IFT43: variants seen among roughly 807,000 people sequenced by gnomAD.
The protein encoded by IFT43 is intraflagellar transport protein 43 homolog.
In IFT43, 33 loss-of-function variants were observed where a neutral mutation model predicts 32.3. The ratio of observed to expected loss-of-function variants is 1.02; its 90% CI spans 0.77 to 1.37. The LOEUF is 1.37. Among genes scored for constraint, IFT43 ranks in the 40% most tolerant of loss-of-function variants. IFT43 has a pLI of 0.00. For synonymous variants in IFT43, 93 were observed against 98.2 expected (o/e 0.95, Z 0.31); for missense variants, 274 against 265.9 (o/e 1.03, Z -0.21).
intron 2 of IFT43, among the ~76,000 whole-genome samples, chr14:76,018,193 T>C (rs2036224907): frequency 6.6e-6 from 1 of 151,916 alleles, no homozygotes; most frequent in South Asian, 2.1e-4. Flanking sequence ...TTCATTGCTA[T>C]ACTTCCCTCT....
intron 3 of IFT43, among the ~76,000 whole-genome samples, chr14:76,054,142 A>G (rs775306352): frequency 6.6e-6 from 1 of 152,204 alleles, no homozygotes. Flanking sequence ...ACTAGGTCCC[A>G]TTTCTGGAAG....
chr14:75,999,408 A>G (rs1478766864), intron 2 of IFT43, among the ~76,000 whole-genome samples: 1 of 149,370 alleles, frequency 6.7e-6, no homozygotes, highest in Non-Finnish European at 1.5e-5. Flanking sequence ...GATTACAGGC[A>G]TGAGCCATCA....
At chr14:76,025,083 A>T (rs2036364599) in intron 3 of IFT43, among the ~76,000 whole-genome samples, 1 of 151,980 alleles carries the variant, frequency 6.6e-6, no homozygotes, top group Non-Finnish European at 1.5e-5. Flanking sequence ...TAGATGAAAG[A>T]TAAAAAAAAT....
chr14:76,020,364 G>T (rs79704371), intron 2 of IFT43, among the ~76,000 whole-genome samples: 2,132 of 152,054 alleles, frequency 0.014, 57 homozygotes, highest in African/African-American at 0.045. Flanking sequence ...TTCATGGATT[G>T]TCTTTTCATT....
At chr14:76,062,938 A>AAAAAAAAAAAAGAAAAAAG (rs1485146040) in intron 5 of IFT43, among the ~76,000 whole-genome samples, 61 of 120,828 alleles carry the variant, frequency 5.0e-4, no homozygotes, top group Non-Finnish European at 6.1e-4. Flanking sequence ...AAAAAAAAAA[A>AAAAAAAAAAAAGAAAAAAG]AAAGAAAATA....
At chr14:76,069,307 G>A (rs149259959) in intron 5 of IFT43, among the ~76,000 whole-genome samples, 251 of 152,318 alleles carry the variant, frequency 1.6e-3, no homozygotes, top group African/African-American at 5.7e-3. Context: ...GGGGGATGAG[G>A]GAAAGCCGCT....
intron 5 of IFT43, among the ~76,000 whole-genome samples, chr14:76,060,808 CCCTT>C (rs1224339136): frequency 2.8e-5 from 4 of 140,778 alleles, no homozygotes; most frequent in East Asian, 4.3e-4. Flanking sequence ...TTTCTTCCCT[CCCTT>C]CCTCCCTCCC....
chr14:76,022,014 G>C (rs529447204), intron 2 of IFT43, among the ~76,000 whole-genome samples: 24 of 152,328 alleles, frequency 1.6e-4, no homozygotes, highest in Non-Finnish European at 5.9e-5. Flanking sequence ...ACTTTGGGAG[G>C]CCCAGGTGGG....
chr14:76,070,167 GAT>G (rs768568117), intron 5 of IFT43, among the ~76,000 whole-genome samples: 6 of 152,360 alleles, frequency 3.9e-5, no homozygotes, highest in Admixed American at 6.5e-5. Context: ...GGCTGGAAGA[GAT>G]GTGAGATGCT....
chr14:76,032,548 A>G (rs1485196043), intron 3 of IFT43, among the ~76,000 whole-genome samples: 1 of 152,192 alleles, frequency 6.6e-6, no homozygotes, highest in Non-Finnish European at 1.5e-5. Context: ...ATCCACATGC[A>G]TGCATACATA....
chr14:76,076,039 C>T lies in IFT43; in HGVS notation c.296-6256C>T, dbSNP rs28501068. 4.5e-3 allele frequency among the ~76,000 whole-genome samples: 678 copies of T among 152,280 alleles called. 2 individuals carry two copies. The highest frequency in any genetic ancestry group is 0.016 in the African/African-American group (648 of 41,548). On this transcript the variant is annotated intron_variant, in intron 5 of 8. Transcript: ENST00000314067. The stretch of plus-strand genomic sequence containing the variant: ...GTGTCCTTAAGCAGCATGTCCAGAT[C>T]GCTTTCATGTGGATTGGTTGTTGAA...
chr14:75,992,140 A>C (rs1161427073), intron 2 of IFT43, among the ~76,000 whole-genome samples: 1 of 152,190 alleles, frequency 6.6e-6, no homozygotes, highest in Non-Finnish European at 1.5e-5. Flanking sequence ...TTTTAAAGCG[A>C]GGTAGTGGAG....
chr14:76,072,050 T>TG, intron 5 of IFT43, among the ~76,000 whole-genome samples: 1 of 152,218 alleles, frequency 6.6e-6, no homozygotes, highest in South Asian at 2.1e-4. Context: ...CTCCTCTCAT[T>TG]GTCAAGTCTT....
intron 2 of IFT43, among the ~76,000 whole-genome samples, chr14:76,020,863 C>T (rs13379348): frequency 0.019 from 2,844 of 151,992 alleles, 87 homozygotes; most frequent in African/African-American, 0.065. Flanking sequence ...GCTCAGGTGC[C>T]GGGGGTGGCA....
At chr14:75,994,135 G>T (rs971333338) in intron 2 of IFT43, among the ~76,000 whole-genome samples, 2 of 151,128 alleles carry the variant, frequency 1.3e-5, no homozygotes, top group African/African-American at 4.9e-5. Flanking sequence ...GGTATGAAGA[G>T]AAAATTATTT....
intron 5 of IFT43, among the ~76,000 whole-genome samples, chr14:76,062,917 CAAAAAAAAAAA>C (rs746158153): frequency 2.8e-5 from 2 of 72,478 alleles, no homozygotes; most frequent in East Asian, 4.3e-4. Context: ...GATCCCATCT[CAAAAAAAAAAA>C]AAAAAAAAAA....
chr14:76,048,242 C>T (rs115340559), intron 3 of IFT43, among the ~76,000 whole-genome samples: 2,165 of 152,334 alleles, frequency 0.014, 60 homozygotes, highest in African/African-American at 0.045. Context: ...TTTACTGCTA[C>T]CCTCTGGGAC....
intron 2 of IFT43, among the ~76,000 whole-genome samples, chr14:76,012,769 CTT>C (rs1369731089): frequency 2.0e-5 from 3 of 151,812 alleles, no homozygotes; most frequent in East Asian, 3.9e-4. Context: ...AAGACTCTTT[CTT>C]TTTTTAAAAC....
At chr14:76,081,578 A>C (rs926776608) in intron 5 of IFT43, among the ~76,000 whole-genome samples, 2 of 152,236 alleles carry the variant, frequency 1.3e-5, no homozygotes. Context: ...CTCTGTTTGC[A>C]TGATTTTGTT....
Sources: allele counts gnomAD v4.1 joint callset (sites outside exome capture counted in the v4.1 genomes callset), GRCh38; gene constraint gnomAD v4.1.1; transcripts MANE v1.5; gene names NCBI Gene and HGNC (gene_info 2026-07-23, HGNC 2026-07-21).